The following RHEB variants were observed in gnomAD, a reference collection of about 807,000 sequenced individuals.
RHEB encodes Ras homolog, mTORC1 binding, also known as GTP-binding protein Rheb.
Under a neutral mutation model 28.8 loss-of-function variants are expected in RHEB, and 2 were observed. That is an observed-to-expected ratio of 0.07 (90% confidence interval 0.03 to 0.22). The LOEUF is 0.22. Ranked by LOEUF, RHEB falls within the 10% of genes least tolerant of loss-of-function variation. RHEB has a pLI of 1.00. For missense variants in RHEB, 76 were observed against 219.9 expected, an observed-to-expected ratio of 0.35 and a Z score of 4.14; for synonymous variants, 69 against 77.3, an observed-to-expected ratio of 0.89 and a Z score of 0.56.
At chr7:151,491,911 C>T (rs1338501217) in intron 1 of RHEB, among the ~76,000 whole-genome samples, 2 of 152,106 alleles carry the variant, frequency 1.3e-5, no homozygotes, top group African/African-American at 4.8e-5. Context: ...GTTAATAAAT[C>T]AACAACTAGA....
In RHEB at chr7:151,503,328, C is replaced by T. The variant is rs1279487369; in HGVS notation, c.53-12314G>A. The stretch of plus-strand genomic sequence containing the variant: ...AATTTGGAGCTATGTTGGAAATGAT[C>T]ACAGATAAAATGCAAGACGGGTCTC... On this transcript the variant is annotated intron_variant, in intron 1 of 7. Coordinates refer to ENST00000262187, the MANE Select transcript of RHEB (RefSeq NM_005614.4). 4.7e-6 allele frequency: 4 copies of T among 848,312 alleles called. No individual in the cohort carries two copies. The African/African-American group carries it at 5.0e-5, about 11-fold the overall frequency. The allele number at this position is 848,312 out of a possible 1,614,324, so 52.5% of individuals were successfully genotyped here.
chr7:151,469,166 A>T (rs717775), intron 7 of RHEB, among the ~76,000 whole-genome samples: 1 of 151,846 alleles, frequency 6.6e-6, no homozygotes, highest in African/African-American at 2.4e-5. Context: ...ACATCTGTTT[A>T]ATCAGTTTTT....
chr7:151,470,729 A>G, intron 6 of RHEB, 77 bp from the exon 7 acceptor site: 1 of 1,026,108 alleles, frequency 9.7e-7, no homozygotes, highest in South Asian at 1.5e-5. Context: ...TTTATGAAAC[A>G]GGCTCCATTT....
At chr7:151,471,769 C>A (rs751816701) in intron 4 of RHEB, 164 bp from the exon 5 acceptor site, 8 of 586,408 alleles carry the variant, frequency 1.4e-5, no homozygotes, top group Non-Finnish European at 2.1e-5. Flanking sequence ...AATCCATTCA[C>A]ATGTGCATAC....
intron 1 of RHEB, among the ~76,000 whole-genome samples, chr7:151,510,290 C>T (rs978343612): frequency 1.3e-5 from 2 of 152,156 alleles, no homozygotes; most frequent in Non-Finnish European, 1.5e-5. Context: ...AAGTAACAAT[C>T]GTGTAGTAGC....
intron 4 of RHEB, among the ~76,000 whole-genome samples, chr7:151,474,447 T>C (rs1802229572): frequency 6.6e-6 from 1 of 152,140 alleles, no homozygotes; most frequent in Admixed American, 6.5e-5. Flanking sequence ...TCCCAAAGTA[T>C]TGGGATTACA....
chr7:151,476,498 C>T (rs1423937517), intron 4 of RHEB, among the ~76,000 whole-genome samples: 1 of 152,200 alleles, frequency 6.6e-6, no homozygotes, highest in Non-Finnish European at 1.5e-5. Flanking sequence ...CATTATGTAG[C>T]CCTGGGCAAG....
intron 1 of RHEB, among the ~76,000 whole-genome samples, chr7:151,511,496 C>G (rs1474691832): frequency 6.6e-6 from 1 of 151,940 alleles, no homozygotes; most frequent in Non-Finnish European, 1.5e-5. Context: ...AAGAGCACAA[C>G]GTAAAGGCTT....
In RHEB at chr7:151,476,986, T is replaced by A. The variant is rs920915771; in HGVS notation, c.275+347A>T. ...TATTGAACAAACCCAAACCCCCACATTTTATTAGAAAGTCTATTTCACCTT... is the reference window on the plus strand; with the variant it reads ...TATTGAACAAACCCAAACCCCCACAATTTATTAGAAAGTCTATTTCACCTT... On this transcript the variant is annotated intron_variant, in intron 4 of 7. Transcript: ENST00000262187. 3.9e-5 allele frequency among the ~76,000 whole-genome samples: 6 copies of A among 152,350 alleles called. No homozygotes were observed. In the South Asian group the frequency reaches 1.2e-3, roughly 32 times the overall value.
intron 1 of RHEB, among the ~76,000 whole-genome samples, chr7:151,516,622 C>CAAAAAA (rs551863062): frequency 1.6e-4 from 15 of 91,936 alleles, no homozygotes; most frequent in Admixed American, 3.9e-4. Flanking sequence ...GACTCTGTCA[C>CAAAAAA]AAAAAAAAAA....
intron 1 of RHEB, among the ~76,000 whole-genome samples, chr7:151,500,033 C>A (rs533262026): frequency 2.0e-5 from 3 of 152,200 alleles, no homozygotes; most frequent in African/African-American, 7.2e-5. Context: ...AACACCTGGG[C>A]TCAAGCGGTC....
At chr7:151,499,419 A>C (rs922331719) in intron 1 of RHEB, among the ~76,000 whole-genome samples, 5 of 152,202 alleles carry the variant, frequency 3.3e-5, no homozygotes, top group African/African-American at 1.2e-4. Flanking sequence ...AAGAAACAGG[A>C]GAGTGGGTAA....
intron 1 of RHEB, among the ~76,000 whole-genome samples, chr7:151,513,765 T>C (rs891655075): frequency 6.6e-6 from 1 of 152,236 alleles, no homozygotes; most frequent in African/African-American, 2.4e-5. Context: ...TACTCCTTAC[T>C]TCATTAAAAT....
chr7:151,515,063 A>G (rs1472597290), intron 1 of RHEB, among the ~76,000 whole-genome samples: 1 of 106,124 alleles, frequency 9.4e-6, no homozygotes, highest in Non-Finnish European at 2.0e-5. Flanking sequence ...ATAAAAAATA[A>G]TAGCCAAAAA....
At chr7:151,467,255 G>A (rs1179780432) in intron 7 of RHEB, 44 bp from the exon 8 acceptor site, 8 of 1,420,244 alleles carry the variant, frequency 5.6e-6, no homozygotes, top group African/African-American at 2.8e-5. Flanking sequence ...GTGTGAAGCC[G>A]AACTCCGAGA....
intron 1 of RHEB, among the ~76,000 whole-genome samples, chr7:151,497,464 G>A (rs553685697): frequency 6.6e-5 from 10 of 152,228 alleles, no homozygotes; most frequent in South Asian, 4.1e-4. Context: ...ATCACCTATC[G>A]CCTCCAGAGT....
At chr7:151,517,690 CAAAAA>C (rs554116118) in intron 1 of RHEB, among the ~76,000 whole-genome samples, 4 of 76,798 alleles carry the variant, frequency 5.2e-5, no homozygotes, top group Admixed American at 1.5e-4. Context: ...CTTCTGTAGC[CAAAAA>C]AAAAAAAAAA....
At position 151,497,318 on chromosome 7, in the gene RHEB, T is replaced by C. The variant is rs12111808; in HGVS notation, c.53-6304A>G. Among the ~76,000 whole-genome samples, 848 of 152,280 alleles carry C rather than the reference T, an allele frequency of 5.6e-3. 6 individuals carry two copies. Among genetic ancestry groups the C allele is most frequent in the African/African-American group, 0.019 (794 of 41,540 alleles). On this transcript the variant is annotated intron_variant, in intron 1 of 7. Transcript: ENST00000262187. The stretch of plus-strand genomic sequence containing the variant: ...GTACTACAGGGTAACCTGTAACAAA[T>C]GTAATTTATTGAGTCCCACTCAAAT...
rs1344534316 is a variant in RHEB at position 151,519,883 on chromosome 7, T to G, written c.-372A>C. On this transcript the variant is annotated 5_prime_UTR_variant, in exon 1 of 8. Coordinates refer to ENST00000262187, the MANE Select transcript of RHEB (RefSeq NM_005614.4). The stretch of plus-strand genomic sequence containing the variant: ...AAAGTCACGACTGAAACTCGCTGCG[T>G]CATGACCCTCCCACCTTCTTCCGCC... The G allele has an allele frequency of 5.4e-6, 1 of 185,698 alleles. No individual in the cohort carries two copies. The highest frequency in any genetic ancestry group is 1.1e-5 in the Non-Finnish European group (1 of 89,828). 11.5% of individuals were successfully genotyped at this position (185,698 alleles called of 1,614,324 possible).
Sources: allele counts gnomAD v4.1 joint callset (sites outside exome capture counted in the v4.1 genomes callset), GRCh38; gene constraint gnomAD v4.1.1; transcripts MANE v1.5; gene names NCBI Gene and HGNC (gene_info 2026-07-23, HGNC 2026-07-21).